Variants in PIK3CA observed in about 807,000 individuals in gnomAD.
PIK3CA encodes phosphatidylinositol-4,5-bisphosphate 3-kinase catalytic subunit alpha.
In PIK3CA, 27 loss-of-function variants were observed where a neutral mutation model predicts 138.2. The ratio of observed to expected loss-of-function variants is 0.20; its 90% CI spans 0.14 to 0.27. The LOEUF (loss-of-function observed/expected upper bound fraction) is 0.27, where lower values mean the gene tolerates loss of function less well. PIK3CA is among the 10% of genes least tolerant of loss of function. PIK3CA has a pLI of 1.00. For missense variants in PIK3CA, 544 were observed against 1,277.4 expected (o/e 0.43, Z 8.75); for synonymous variants, 358 against 413.2 (o/e 0.87, Z 1.62).
At chr3:179,218,446 G>GA in intron 10 of PIK3CA, 112 bp downstream of exon 10, 2 of 738,816 alleles carry the variant, frequency 2.7e-6, no homozygotes, top group Non-Finnish European at 4.2e-6. Flanking sequence ...AAATAAAGCA[G>GA]AATTTACATG....
Position 179,218,693 on chromosome 3 carries a change from T to TA in PIK3CA, c.1664+360dup, listed in dbSNP as rs370481577. 7.7e-4 allele frequency among the ~76,000 whole-genome samples: 117 copies of TA among 152,190 alleles called. 2 individuals carry two copies. The highest frequency in any genetic ancestry group is 2.6e-3 in the African/African-American group (109 of 41,574). On this transcript the variant is annotated intron_variant, in intron 10 of 20. Transcript: ENST00000263967. ...GTTCCCTTTCATTTTTCTTTTTTCT[T>TA]ACGTTTCTTCAAATAGTATAATGCC...
chr3:179,199,566 CT>C (rs1205807159), intron 2 of PIK3CA, 123 bp from the exon 3 acceptor site: 21 of 632,726 alleles, frequency 3.3e-5, no homozygotes, highest in Non-Finnish European at 5.5e-5. Flanking sequence ...TTGTTTTAAC[CT>C]AGCGGTACTT....
Position 179,240,001 on chromosome 3 carries a change from G to A in PIK3CA, c.*5637G>A, listed in dbSNP as rs1725410966. On this transcript the variant is annotated 3_prime_UTR_variant, in exon 21 of 21. Transcript: ENST00000263967. The stretch of plus-strand genomic sequence containing the variant: ...AGTTTGGCCTGTGACTGCACTTACT[G>A]TTTATGCTCATCAGAAACTGTCAAT... 1 of 1,543,854 alleles carries A rather than the reference G, an allele frequency of 6.5e-7. No homozygotes were observed. Among genetic ancestry groups the A allele is most frequent in the Admixed American group, 2.0e-5 (1 of 50,720 alleles).
intron 1 of PIK3CA, among the ~76,000 whole-genome samples, chr3:179,195,130 G>C (rs1230745392): frequency 6.6e-6 from 1 of 151,898 alleles, no homozygotes; most frequent in African/African-American, 2.4e-5. Context: ...ACTGGAAGCA[G>C]CTGGGAAAGC....
chr3:179,194,512 C>A (rs183036912), intron 1 of PIK3CA, among the ~76,000 whole-genome samples: 1 of 152,288 alleles, frequency 6.6e-6, no homozygotes, highest in Non-Finnish European at 1.5e-5. Flanking sequence ...AGCCACAACC[C>A]CCAGCCCAGA....
chr3:179,157,955 A>G (rs573358652), intron 1 of PIK3CA, among the ~76,000 whole-genome samples: 6 of 152,248 alleles, frequency 3.9e-5, no homozygotes, highest in South Asian at 2.1e-4. Context: ...AATAAATAAT[A>G]CTTGAAAGCA....
At chr3:179,169,458 T>C (rs1354147486) in intron 1 of PIK3CA, among the ~76,000 whole-genome samples, 1 of 152,218 alleles carries the variant, frequency 6.6e-6, no homozygotes, top group Non-Finnish European at 1.5e-5. Flanking sequence ...TTCAATCTTT[T>C]GTGTTACTTG....
intron 4 of PIK3CA, among the ~76,000 whole-genome samples, chr3:179,202,918 A>G (rs529424893): frequency 6.6e-6 from 1 of 151,410 alleles, no homozygotes; most frequent in East Asian, 1.9e-4. Flanking sequence ...ATGTTTTCAT[A>G]ATGAGTATCC....
chr3:179,170,074 G>GTGCACACACACA (rs756375767), intron 1 of PIK3CA, among the ~76,000 whole-genome samples: 9 of 119,892 alleles, frequency 7.5e-5, no homozygotes, highest in African/African-American at 2.4e-4. Flanking sequence ...ACACGCGCGC[G>GTGCACACACACA]CGCACACACA....
chr3:179,209,495 C>T (rs994093193), intron 6 of PIK3CA, 100 bp from the exon 7 acceptor site: 6 of 612,948 alleles, frequency 9.8e-6, no homozygotes, highest in African/African-American at 3.7e-5. Context: ...TCCTGTTTTT[C>T]GTTTGGTTGA....
At chr3:179,203,239 C>T (rs989534490) in intron 4 of PIK3CA, among the ~76,000 whole-genome samples, 1 of 151,988 alleles carries the variant, frequency 6.6e-6, no homozygotes, top group African/African-American at 2.4e-5. Context: ...CACGCCCGGC[C>T]GTGATCCTTG....
chr3:179,221,595 T>G (rs1724967977), intron 14 of PIK3CA, among the ~76,000 whole-genome samples: 1 of 151,924 alleles, frequency 6.6e-6, no homozygotes, highest in Non-Finnish European at 1.5e-5. Flanking sequence ...TTTTTACATT[T>G]CCAAGTTTAA....
At chr3:179,206,463 A>G (rs556199921) in intron 6 of PIK3CA, among the ~76,000 whole-genome samples, 7 of 152,308 alleles carry the variant, frequency 4.6e-5, no homozygotes, top group Admixed American at 3.9e-4. Flanking sequence ...GAAAAACAAC[A>G]TTTGAGGAAA....
rs545516001 is a variant in PIK3CA at position 179,237,938 on chromosome 3, A to G, written c.*3574A>G. On this transcript the variant is annotated 3_prime_UTR_variant, in exon 21 of 21. Transcript: ENST00000263967. Reference sequence around the variant, plus strand: ...GAGTCCACCTTAAGAAATTATTTTGATGTCCAAGACATCACTAAAATATTT... The same window carrying G: ...GAGTCCACCTTAAGAAATTATTTTGGTGTCCAAGACATCACTAAAATATTT... The G allele has an allele frequency of 8.0e-5, 17 of 212,292 alleles. No individual in the cohort carries two copies. Among genetic ancestry groups the G allele is most frequent in the Admixed American group, 7.6e-4 (13 of 17,054 alleles). 13.2% of individuals were successfully genotyped at this position (212,292 alleles called of 1,614,324 possible).
intron 1 of PIK3CA, among the ~76,000 whole-genome samples, chr3:179,197,520 CCTTGT>C (rs1383139400): frequency 6.6e-6 from 1 of 152,192 alleles, no homozygotes; most frequent in Non-Finnish European, 1.5e-5. Context: ...ATATTCTTTG[CCTTGT>C]CTTGTGAAGG....
intron 1 of PIK3CA, among the ~76,000 whole-genome samples, chr3:179,169,695 A>G (rs1291131094): frequency 6.6e-6 from 1 of 152,126 alleles, no homozygotes; most frequent in South Asian, 2.1e-4. Flanking sequence ...TTCTATTTTT[A>G]TAACTAAGGA....
chr3:179,167,007 C>T (rs1723437688), intron 1 of PIK3CA, among the ~76,000 whole-genome samples: 1 of 152,056 alleles, frequency 6.6e-6, no homozygotes, highest in South Asian at 2.1e-4. Flanking sequence ...GCCAATATTT[C>T]TGGAACTGAA....
intron 1 of PIK3CA, among the ~76,000 whole-genome samples, chr3:179,187,782 C>T (rs1212535358): frequency 2.0e-5 from 3 of 151,486 alleles, no homozygotes; most frequent in Admixed American, 1.3e-4. Context: ...GGACTACAGG[C>T]GCCCGCCACC....
At chr3:179,164,394 G>A (rs575194571) in intron 1 of PIK3CA, among the ~76,000 whole-genome samples, 1 of 152,214 alleles carries the variant, frequency 6.6e-6, no homozygotes, top group South Asian at 2.1e-4. Flanking sequence ...TACATTGAAA[G>A]AAATATGAAT....
Sources: gnomAD v4.1 joint callset for allele counts (sites outside exome capture counted in the v4.1 genomes callset) on GRCh38, gnomAD v4.1.1 for gene constraint, MANE v1.5 for transcripts, NCBI Gene and HGNC (gene_info 2026-07-23, HGNC 2026-07-21) for gene names.